The following BANP variants were observed in gnomAD, a reference collection of about 807,000 sequenced individuals.
The protein encoded by BANP is protein BANP.
A neutral mutation model predicts 68.1 loss-of-function variants in BANP; 11 were observed. That is an observed-to-expected ratio of 0.16 (90% CI 0.10 to 0.27). BANP has a LOEUF of 0.27. Among genes scored for constraint, BANP ranks in the 10% least tolerant of loss-of-function variants. The probability of loss-of-function intolerance (pLI) is 1.00; values close to 1 mark genes in which losing one functional copy is unlikely to be tolerated. For synonymous variants in BANP, 329 were observed against 303.2 expected, an observed-to-expected ratio of 1.09 and a Z score of -0.88; for missense variants, 504 against 722.7, an observed-to-expected ratio of 0.70 and a Z score of 3.47.
At chr16:88,029,471 C>T (rs1253725662) in intron 8 of BANP, among the ~76,000 whole-genome samples, 5 of 150,702 alleles carry the variant, frequency 3.3e-5, no homozygotes, top group Admixed American at 1.3e-4. Flanking sequence ...ATTAGCCGGG[C>T]GTGGTGGCTG....
chr16:87,970,627 C>T (rs1033128550), intron 1 of BANP, among the ~76,000 whole-genome samples: 1 of 152,190 alleles, frequency 6.6e-6, no homozygotes, highest in Non-Finnish European at 1.5e-5. Context: ...ATTTCCCTTT[C>T]AACCCAGTGA....
intron 1 of BANP, among the ~76,000 whole-genome samples, chr16:87,963,218 C>A (rs1174372510): frequency 6.6e-6 from 1 of 152,138 alleles, no homozygotes; most frequent in Non-Finnish European, 1.5e-5. Flanking sequence ...GCCGTGGTCC[C>A]TTCTTGTCAC....
At chr16:88,040,255 CT>C (rs71156289) in intron 11 of BANP, among the ~76,000 whole-genome samples, 41,840 of 142,288 alleles carry the variant, frequency 0.29, 7,118 homozygotes, top group Non-Finnish European at 0.41. Flanking sequence ...TGTGGAAATC[CT>C]TTTTTTTTTT....
At chr16:88,034,988 G>A (rs1355675669) in intron 9 of BANP, 3 of 255,832 alleles carry the variant, frequency 1.2e-5, no homozygotes, top group East Asian at 1.0e-4. Flanking sequence ...AGCCCGGGAC[G>A]TGAGTCGTTC....
chr16:87,990,122 T>G (rs2065554145), intron 4 of BANP, among the ~76,000 whole-genome samples: 2 of 152,240 alleles, frequency 1.3e-5, no homozygotes, highest in Non-Finnish European at 2.9e-5. Flanking sequence ...GAAAAATTAT[T>G]TTTAAAAATA....
chr16:87,985,207 T>C (rs1476573694), intron 4 of BANP, among the ~76,000 whole-genome samples: 2 of 152,122 alleles, frequency 1.3e-5, no homozygotes, highest in Non-Finnish European at 2.9e-5. Flanking sequence ...ACGGCTGCTG[T>C]GCTGGCCGAA....
intron 1 of BANP, among the ~76,000 whole-genome samples, chr16:87,973,087 G>T (rs183128328): frequency 6.6e-6 from 1 of 152,072 alleles, no homozygotes. Context: ...TGTTGTCGGT[G>T]TTGACTTGGA....
intron 1 of BANP, among the ~76,000 whole-genome samples, chr16:87,969,445 G>A (rs2060711971): frequency 6.6e-6 from 1 of 151,868 alleles, no homozygotes; most frequent in African/African-American, 2.4e-5. Context: ...CTGGCGAAGT[G>A]TGTCATATTT....
intron 1 of BANP, among the ~76,000 whole-genome samples, chr16:87,972,492 T>C (rs1428978183): frequency 6.6e-6 from 1 of 152,106 alleles, no homozygotes; most frequent in Non-Finnish European, 1.5e-5. Flanking sequence ...TTGTCTGCAG[T>C]GATGTTATTT....
intron 4 of BANP, among the ~76,000 whole-genome samples, chr16:87,999,092 A>ACTTGCCTGTC (rs1381339022): frequency 4.3e-5 from 6 of 138,342 alleles, no homozygotes; most frequent in Admixed American, 3.6e-4. Context: ...GCGCGGCTGT[A>ACTTGCCTGTC]CTTGCCTGTC....
chr16:88,056,126 CTGCCTGTGGCTCT>C (rs1303816650), intron 11 of BANP, among the ~76,000 whole-genome samples: 4 of 152,216 alleles, frequency 2.6e-5, no homozygotes, highest in Non-Finnish European at 5.9e-5. Context: ...GTGGTGTCTC[CTGCCTGTGGCTCT>C]GACACTGGAG....
At chr16:88,054,290 C>CCAT (rs60440735) in intron 11 of BANP, among the ~76,000 whole-genome samples, 89,408 of 91,434 alleles carry the variant, frequency 0.98, 43,899 homozygotes, top group Non-Finnish European at 0.99. Flanking sequence ...ACTGTCATCT[C>CCAT]CATCATCATC....
intron 7 of BANP, among the ~76,000 whole-genome samples, chr16:88,026,894 C>T (rs1208832570): frequency 6.6e-6 from 1 of 152,234 alleles, no homozygotes; most frequent in Non-Finnish European, 1.5e-5. Context: ...CATGAATTCT[C>T]CAAATGCCGG....
chr16:88,045,749 C>T (rs373317238), intron 11 of BANP, among the ~76,000 whole-genome samples: 15 of 132,912 alleles, frequency 1.1e-4, no homozygotes, highest in Admixed American at 3.7e-4. Flanking sequence ...GATGAGGGCC[C>T]GGCTGTGGTT....
chr16:87,987,093 C>CT (rs1204546021), intron 4 of BANP, among the ~76,000 whole-genome samples: 2 of 151,772 alleles, frequency 1.3e-5, no homozygotes, highest in Non-Finnish European at 2.9e-5. Flanking sequence ...GAATGGTTTC[C>CT]TTTTTTTTGA....
rs560225301 is a variant in BANP, at chr16:88,067,760, A to G, written c.1377+2428A>G. 7.9e-4 allele frequency among the ~76,000 whole-genome samples: 119 copies of G among 151,554 alleles called. 1 individual carries two copies. The highest frequency in any genetic ancestry group is 2.7e-3 in the African/African-American group (112 of 41,252). On this transcript the variant is annotated intron_variant, in intron 12 of 13. Transcript: ENST00000682872. ...GTCCTGGTCCTCCACCCTTTCACTGACCTCGCCCTGCTCCACCCCAGGGTA... is the reference window on the plus strand; with the variant it reads ...GTCCTGGTCCTCCACCCTTTCACTGGCCTCGCCCTGCTCCACCCCAGGGTA...
chr16:87,961,966 G>A (rs1031202569), intron 1 of BANP, among the ~76,000 whole-genome samples: 3 of 152,130 alleles, frequency 2.0e-5, no homozygotes, highest in East Asian at 1.9e-4. Flanking sequence ...TAGGCTGGGC[G>A]CAGTGGCTCA....
At chr16:87,956,780 C>G (rs1194293238) in intron 1 of BANP, 1 of 152,142 alleles carries the variant, frequency 6.6e-6, no homozygotes, top group African/African-American at 2.4e-5. Flanking sequence ...GTACAAGACT[C>G]CACTCTGGCC....
chr16:87,996,101 GT>G (rs2067123760), intron 4 of BANP, among the ~76,000 whole-genome samples: 1 of 152,204 alleles, frequency 6.6e-6, no homozygotes, highest in Non-Finnish European at 1.5e-5. Flanking sequence ...AGTCATGTCT[GT>G]TCTCTGTCCT....
Sources: allele counts gnomAD v4.1 joint callset (sites outside exome capture counted in the v4.1 genomes callset), GRCh38; gene constraint gnomAD v4.1.1; transcripts MANE v1.5; gene names NCBI Gene and HGNC (gene_info 2026-07-23, HGNC 2026-07-21).